Variants in SPAG16 observed in about 807,000 individuals in gnomAD.
The protein encoded by SPAG16 is sperm-associated antigen 16 protein.
SPAG16 carries 86 observed loss-of-function variants against 80.4 expected under a neutral mutation model. That is an observed-to-expected ratio of 1.07 (90% confidence interval 0.90 to 1.28). SPAG16 has a LOEUF of 1.28. SPAG16 is among the 50% of genes most tolerant of loss of function. The pLI is 0.00. For synonymous variants in SPAG16, 294 were observed against 265.9 expected (o/e 1.11, Z -1.03); for missense variants, 870 against 765.3 (o/e 1.14, Z -1.61).
Position 213,397,326 on chromosome 2 carries a change from C to T in SPAG16, c.942+22207C>T, listed in dbSNP as rs2068091257. Among the ~76,000 whole-genome samples, 3 of 152,254 alleles carry T rather than the reference C, an allele frequency of 2.0e-5. No individual in the cohort carries two copies. In the South Asian group the frequency reaches 6.2e-4, roughly 32 times the overall value. ...TTAAGGGTAACTGTTCTCTCTACTCCACTCAAATGTAGCATAGGTCCTGAA... is the reference window on the plus strand; with the variant it reads ...TTAAGGGTAACTGTTCTCTCTACTCTACTCAAATGTAGCATAGGTCCTGAA... On this transcript the variant is annotated intron_variant, in intron 9 of 15. Transcript: ENST00000331683.
intron 12 of SPAG16, among the ~76,000 whole-genome samples, chr2:213,997,489 GATAA>G (rs2046580400): frequency 6.6e-6 from 1 of 152,288 alleles, no homozygotes; most frequent in South Asian, 2.1e-4. Context: ...GCAAAAACAT[GATAA>G]ATAAAGTCAA....
rs116128767 is a variant in SPAG16 at position 213,884,812 on chromosome 2, C to A, written c.1214+22184C>A. On this transcript the variant is annotated intron_variant, in intron 11 of 15. Coordinates refer to ENST00000331683, the MANE Select transcript of SPAG16 (RefSeq NM_024532.5). ...GTACTTCCAATTGTATTATGAAATT[C>A]TTGTAGAGAATTTTTCAGCTTTAGA... 2.6e-3 allele frequency among the ~76,000 whole-genome samples: 403 copies of A among 152,234 alleles called. 2 individuals carry two copies. Among genetic ancestry groups the A allele is most frequent in the African/African-American group, 9.3e-3 (387 of 41,554 alleles).
At chr2:213,841,049 T>G (rs2074338880) in intron 10 of SPAG16, among the ~76,000 whole-genome samples, 1 of 152,184 alleles carries the variant, frequency 6.6e-6, no homozygotes, top group South Asian at 2.1e-4. Context: ...AACTAATTTA[T>G]TTAGGCATAT....
intron 8 of SPAG16, among the ~76,000 whole-genome samples, chr2:213,369,710 T>A (rs956989067): frequency 2.0e-5 from 3 of 152,220 alleles, no homozygotes; most frequent in African/African-American, 7.2e-5. Flanking sequence ...GAATTCATTT[T>A]TTAAAAAGGA....
At position 214,377,354 on chromosome 2, in the gene SPAG16, G is replaced by A. The variant is rs574512979; in HGVS notation, c.1721-32786G>A. Among the ~76,000 whole-genome samples, 89 of 152,270 alleles carry A rather than the reference G, an allele frequency of 5.8e-4. 1 individual carries two copies. Among genetic ancestry groups the A allele is most frequent in the Admixed American group, 5.9e-4 (9 of 15,290 alleles). Reference sequence around the variant, plus strand: ...GCAGAGAAAAGTCTTAACATTATGAGAAAAAAGTTGAATTGCTTGATATGT... The same window carrying A: ...GCAGAGAAAAGTCTTAACATTATGAAAAAAAAGTTGAATTGCTTGATATGT... On this transcript the variant is annotated intron_variant, in intron 15 of 15. Coordinates refer to ENST00000331683, the MANE Select transcript of SPAG16 (RefSeq NM_024532.5).
chr2:213,855,795 A>C (rs936338450), intron 10 of SPAG16, among the ~76,000 whole-genome samples: 3 of 152,010 alleles, frequency 2.0e-5, no homozygotes, highest in African/African-American at 7.3e-5. Flanking sequence ...GGGGGAAACC[A>C]CCCCCAGGAT....
chr2:213,551,438 T>C (rs1311009113), intron 10 of SPAG16, among the ~76,000 whole-genome samples: 1 of 152,330 alleles, frequency 6.6e-6, no homozygotes, highest in African/African-American at 2.4e-5. Context: ...TAAATGAGAT[T>C]AGTCAATGGG....
chr2:213,445,714 T>G (rs1048199447), intron 9 of SPAG16, among the ~76,000 whole-genome samples: 1 of 152,088 alleles, frequency 6.6e-6, no homozygotes, highest in Non-Finnish European at 1.5e-5. Flanking sequence ...ACATCACTAA[T>G]CATCAGATGA....
intron 5 of SPAG16, among the ~76,000 whole-genome samples, chr2:213,331,970 C>A (rs2064127695): frequency 6.6e-6 from 1 of 151,980 alleles, no homozygotes; most frequent in African/African-American, 2.4e-5. Context: ...CCTAATGATT[C>A]ATCTTAAAAA....
chr2:213,720,335 G>GA (rs1424681353), intron 10 of SPAG16, among the ~76,000 whole-genome samples: 3 of 151,380 alleles, frequency 2.0e-5, no homozygotes, highest in South Asian at 2.1e-4. Context: ...TAAAGTATAA[G>GA]AAAAAAAATA....
At chr2:213,748,032 T>TA in intron 10 of SPAG16, among the ~76,000 whole-genome samples, 1 of 152,372 alleles carries the variant, frequency 6.6e-6, no homozygotes, top group South Asian at 2.1e-4. Context: ...CCCTTGTCTT[T>TA]AAAAAAGTTA....
At chr2:213,379,895 G>T (rs559762757) in intron 9 of SPAG16, among the ~76,000 whole-genome samples, 1 of 152,294 alleles carries the variant, frequency 6.6e-6, no homozygotes, top group Admixed American at 6.5e-5. Flanking sequence ...GACAGGGGTG[G>T]CTGGGGAAAG....
intron 10 of SPAG16, among the ~76,000 whole-genome samples, chr2:213,623,689 G>A (rs1202684914): frequency 6.6e-6 from 1 of 152,036 alleles, no homozygotes; most frequent in East Asian, 1.9e-4. Context: ...GAGTAGGTTA[G>A]GCACTTTAAA....
chr2:213,609,843 C>G (rs2061385897), intron 10 of SPAG16, among the ~76,000 whole-genome samples: 1 of 152,120 alleles, frequency 6.6e-6, no homozygotes, highest in South Asian at 2.1e-4. Context: ...GATGTGTATG[C>G]AGGTGTATTT....
At chr2:214,264,251 C>T (rs1188362086) in intron 15 of SPAG16, among the ~76,000 whole-genome samples, 1 of 152,042 alleles carries the variant, frequency 6.6e-6, no homozygotes, top group East Asian at 1.9e-4. Context: ...TCCAGTGTAC[C>T]TTATATAAAT....
At chr2:213,911,671 CA>C (rs1319650355) in intron 11 of SPAG16, among the ~76,000 whole-genome samples, 1 of 151,816 alleles carries the variant, frequency 6.6e-6, no homozygotes, top group African/African-American at 2.4e-5. Flanking sequence ...GACTTAGTGA[CA>C]AACAAAAGGT....
rs183714428 is a variant in SPAG16, at chr2:213,700,403, G to C, written c.1071-162082G>C. 2.1e-3 allele frequency among the ~76,000 whole-genome samples: 326 copies of C among 152,136 alleles called. 2 individuals are homozygous for C. Among genetic ancestry groups the C allele is most frequent in the Non-Finnish European group, 1.1e-3 (74 of 67,940 alleles). ...TAAATTATTTAGGTGTTATTTATAA[G>C]AGGTGGAAATATAACACATCATATT... On this transcript the variant is annotated intron_variant, in intron 10 of 15. Transcript: ENST00000331683.
At chr2:213,379,998 G>A (rs563840203) in intron 9 of SPAG16, among the ~76,000 whole-genome samples, 5 of 152,264 alleles carry the variant, frequency 3.3e-5, no homozygotes, top group Admixed American at 1.3e-4. Flanking sequence ...GCACTCACAC[G>A]GAATACAAAT....
chr2:214,062,556 G>A (rs916792677), intron 13 of SPAG16, among the ~76,000 whole-genome samples: 1 of 151,312 alleles, frequency 6.6e-6, no homozygotes, highest in Non-Finnish European at 1.5e-5. Flanking sequence ...TTCAGATGGT[G>A]AGAACAAAAA....
Sources: allele counts gnomAD v4.1 joint callset (sites outside exome capture counted in the v4.1 genomes callset), GRCh38; gene constraint gnomAD v4.1.1; transcripts MANE v1.5; gene names NCBI Gene and HGNC (gene_info 2026-07-23, HGNC 2026-07-21).